The following AFF3 variants were observed in gnomAD, a reference collection of about 807,000 sequenced individuals.
The protein encoded by AFF3 is ALF transcription elongation factor 3.
A neutral mutation model predicts 129.7 loss-of-function variants in AFF3; 32 were observed. That is an observed-to-expected ratio of 0.25 (90% CI 0.19 to 0.33). AFF3 has a LOEUF of 0.33. AFF3 is among the 10% of genes least tolerant of loss of function. The pLI is 1.00. For missense variants in AFF3, 1,373 were observed against 1,592.0 expected, an observed-to-expected ratio of 0.86 and a Z score of 2.34; for synonymous variants, 644 against 635.4, an observed-to-expected ratio of 1.01 and a Z score of -0.20.
intron 8 of AFF3, among the ~76,000 whole-genome samples, chr2:99,763,980 G>A (rs1194319633): frequency 6.6e-6 from 1 of 152,164 alleles, no homozygotes; most frequent in Admixed American, 6.5e-5. Flanking sequence ...CCCTGCCTGC[G>A]ATGAGGTTAA....
At chr2:99,756,371 T>C (rs151059304) in intron 8 of AFF3, among the ~76,000 whole-genome samples, 1 of 152,382 alleles carries the variant, frequency 6.6e-6, no homozygotes, top group East Asian at 1.9e-4. Context: ...CTTTGATCCC[T>C]GCTTTCTCAC....
chr2:99,900,348 G>A (rs527287357), intron 7 of AFF3, among the ~76,000 whole-genome samples: 4 of 152,276 alleles, frequency 2.6e-5, no homozygotes, highest in African/African-American at 7.2e-5. Context: ...CAGAAATTTG[G>A]TTTGGGTCAC....
rs112876458 is a variant in AFF3, at chr2:99,742,202, T to A, written c.1039+1902A>T. 6.4e-3 allele frequency among the ~76,000 whole-genome samples: 979 copies of A among 152,084 alleles called. 7 individuals carry two copies. The highest frequency in any genetic ancestry group is 0.023 in the African/African-American group (941 of 41,488). On this transcript the variant is annotated intron_variant, in intron 10 of 24. Coordinates refer to ENST00000672756, the MANE Select transcript of AFF3 (RefSeq NM_001386135.1). ...GAAATGCTGTCTATAAGAAAAATTT[T>A]AAAAAGTGGTATGTGCCTGTAGTCC...
chr2:99,990,405 A>T (rs1006020875), intron 7 of AFF3, among the ~76,000 whole-genome samples: 18 of 152,176 alleles, frequency 1.2e-4, no homozygotes, highest in African/African-American at 4.1e-4. Context: ...GTTCACTTTA[A>T]ATAGTTAAGA....
At chr2:100,125,423 A>C (rs937933237) in intron 2 of AFF3, among the ~76,000 whole-genome samples, 2 of 152,156 alleles carry the variant, frequency 1.3e-5, no homozygotes, top group Admixed American at 6.5e-5. Flanking sequence ...GAAAAATGGA[A>C]ACAAGCTCGC....
At chr2:99,809,356 C>T (rs560550902) in intron 8 of AFF3, among the ~76,000 whole-genome samples, 2 of 152,292 alleles carry the variant, frequency 1.3e-5, no homozygotes, top group South Asian at 2.1e-4. Flanking sequence ...GGGGGGCTGG[C>T]GCTCCTACTG....
At chr2:100,033,630 A>G (rs974890642) in intron 4 of AFF3, among the ~76,000 whole-genome samples, 1 of 152,194 alleles carries the variant, frequency 6.6e-6, no homozygotes, top group Non-Finnish European at 1.5e-5. Flanking sequence ...TTTATTTCTA[A>G]TATTAGCTTT....
intron 12 of AFF3, among the ~76,000 whole-genome samples, chr2:99,652,043 G>A (rs1171671693): frequency 6.6e-6 from 1 of 152,162 alleles, no homozygotes; most frequent in African/African-American, 2.4e-5. Context: ...GGAAGGTGCA[G>A]GGATGGGCGG....
At chr2:99,926,753 C>A (rs1696275295) in intron 7 of AFF3, among the ~76,000 whole-genome samples, 1 of 152,100 alleles carries the variant, frequency 6.6e-6, no homozygotes, top group Non-Finnish European at 1.5e-5. Flanking sequence ...CACGATTCAA[C>A]AACCTCTTAA....
chr2:99,647,942 A>C (rs1375994287), intron 13 of AFF3, among the ~76,000 whole-genome samples: 1 of 152,210 alleles, frequency 6.6e-6, no homozygotes, highest in Non-Finnish European at 1.5e-5. Context: ...ATTAACATCC[A>C]TGGACATTTT....
chr2:99,604,022 T>A (rs1339591974), intron 13 of AFF3, among the ~76,000 whole-genome samples: 1 of 152,112 alleles, frequency 6.6e-6, no homozygotes, highest in Non-Finnish European at 1.5e-5. Context: ...TATACACTGG[T>A]AGAAGTGTAA....
chr2:99,610,946 C>T (rs1333576754), intron 13 of AFF3, among the ~76,000 whole-genome samples: 4 of 152,170 alleles, frequency 2.6e-5, no homozygotes, highest in Non-Finnish European at 5.9e-5. Context: ...TCTTTTCTTA[C>T]AGTCCTGCAG....
intron 11 of AFF3, 29 bp downstream of exon 11, chr2:99,727,048 A>G (rs1335209594): frequency 1.3e-6 from 2 of 1,577,560 alleles, no homozygotes; most frequent in East Asian, 2.2e-5. Context: ...AAGAACAGGC[A>G]TCTCTGATAG....
intron 7 of AFF3, among the ~76,000 whole-genome samples, chr2:99,914,592 T>C (rs1695332609): frequency 6.6e-6 from 1 of 152,162 alleles, no homozygotes; most frequent in African/African-American, 2.4e-5. Flanking sequence ...TCTTGCTTTC[T>C]GGGAAATACA....
At chr2:100,099,867 C>T (rs1172910304) in intron 4 of AFF3, among the ~76,000 whole-genome samples, 1 of 151,764 alleles carries the variant, frequency 6.6e-6, no homozygotes, top group African/African-American at 2.4e-5. Context: ...AGCGTTATTT[C>T]ATGATGCTCT....
chr2:99,750,476 G>A (rs1454246556), intron 9 of AFF3, among the ~76,000 whole-genome samples: 5 of 144,514 alleles, frequency 3.5e-5, no homozygotes, highest in Admixed American at 7.2e-5. Context: ...GTGCAGTGGC[G>A]TGATCATAGC....
chr2:99,960,192 G>A (rs548973849), intron 7 of AFF3, among the ~76,000 whole-genome samples: 1 of 152,050 alleles, frequency 6.6e-6, no homozygotes. Flanking sequence ...TACAATAAAC[G>A]AAATGTGAAA....
chr2:99,804,583 G>A (rs557463581), intron 8 of AFF3, among the ~76,000 whole-genome samples: 13 of 152,204 alleles, frequency 8.5e-5, no homozygotes, highest in Non-Finnish European at 1.9e-4. Flanking sequence ...TCCCACTACA[G>A]GGTATCTATC....
At chr2:100,125,056 T>C (rs2105568835) in intron 2 of AFF3, among the ~76,000 whole-genome samples, 1 of 152,266 alleles carries the variant, frequency 6.6e-6, no homozygotes, top group East Asian at 1.9e-4. Context: ...TATCTGGAAA[T>C]GGGACATGAA....
Sources: allele counts gnomAD v4.1 joint callset (sites outside exome capture counted in the v4.1 genomes callset), GRCh38; gene constraint gnomAD v4.1.1; transcripts MANE v1.5; gene names NCBI Gene and HGNC (gene_info 2026-07-23, HGNC 2026-07-21).